The following EYS variants were observed in gnomAD, a reference collection of about 807,000 sequenced individuals.
The protein encoded by EYS is EGF-like photoreceptor maintenance factor, also known as protein eyes shut homolog.
In EYS, 250 loss-of-function variants were observed where a neutral mutation model predicts 282.1. The observed-to-expected ratio is 0.89, with a 90% CI of 0.80 to 0.98. The LOEUF is 0.98. Ranked by LOEUF, EYS falls within the 50% of genes least tolerant of loss-of-function variation. The pLI, the probability that EYS is intolerant of heterozygous loss-of-function variation, is 0.00. For synonymous variants in EYS, 1,355 were observed against 1,282.9 expected (o/e 1.06, Z -1.20); for missense variants, 4,016 against 3,709.0 (o/e 1.08, Z -2.15).
intron 31 of EYS, among the ~76,000 whole-genome samples, chr6:64,142,765 G>A (rs1774378587): frequency 6.6e-6 from 1 of 152,132 alleles, no homozygotes. Flanking sequence ...AATGATGAGA[G>A]CCTAAATTAG....
intron 29 of EYS, among the ~76,000 whole-genome samples, chr6:64,334,931 T>C (rs1770784979): frequency 6.6e-6 from 1 of 152,190 alleles, no homozygotes; most frequent in Admixed American, 6.5e-5. Flanking sequence ...TTTGTGGCCA[T>C]AATAGGTGTA....
At position 64,039,460 on chromosome 6, in the gene EYS, G is replaced by C. The variant is rs1459770485; in HGVS notation, c.6725+26878C>G. Among the ~76,000 whole-genome samples the C allele has an allele frequency of 5.3e-5, 8 of 152,266 alleles. No homozygotes were observed. The East Asian group carries it at 1.4e-3, about 26-fold the overall frequency. ...TGGGAAATTTGACTTCAATAAGCAT[G>C]TTAGAGGGATAAATAAAAGAGGAAG... On this transcript the variant is annotated intron_variant, in intron 33 of 42. Coordinates refer to ENST00000503581, the MANE Select transcript of EYS (RefSeq NM_001142800.2).
At chr6:65,055,673 T>C (rs180939181) in intron 13 of EYS, among the ~76,000 whole-genome samples, 3 of 152,228 alleles carry the variant, frequency 2.0e-5, no homozygotes, top group Non-Finnish European at 2.9e-5. Flanking sequence ...TGAGAAATTC[T>C]AGTCAAGTAT....
Position 65,405,267 on chromosome 6 carries a change from TG to T in EYS, c.962del (p.Pro321GlnfsTer18), listed in dbSNP as rs1766681441. On this transcript the variant is annotated frameshift_variant, in exon 6 of 43. Coordinates refer to ENST00000503581, the MANE Select transcript of EYS (RefSeq NM_001142800.2). LOFTEE classifies it high-confidence loss of function. The stretch of plus-strand genomic sequence containing the variant: ...CACCATTTTGGCTGGAAGATCCTTT[TG>T]GGCATTCATAAGTATAAGCAGAACT... ...NSSSAYTYECPKGSSSQNGET... is the reference protein window; with the variant it reads ...NSSSAYTYECXKGSSSQNGET... 6.2e-7 allele frequency: 1 copy of T among 1,613,212 alleles called. No homozygotes were observed. Among genetic ancestry groups the T allele is most frequent in the Non-Finnish European group, 8.5e-7 (1 of 1,179,522 alleles).
chr6:64,970,693 C>A (rs1332573484), intron 14 of EYS, among the ~76,000 whole-genome samples: 1 of 152,144 alleles, frequency 6.6e-6, no homozygotes, highest in Non-Finnish European at 1.5e-5. Context: ...AATACGTAAA[C>A]CTTGAATAAC....
chr6:64,436,885 A>G (rs2150464518), intron 27 of EYS, among the ~76,000 whole-genome samples: 1 of 151,898 alleles, frequency 6.6e-6, no homozygotes, highest in East Asian at 1.9e-4. Context: ...GCATGTGCCT[A>G]CAGGTATATG....
chr6:64,395,064 A>G (rs1030550077), intron 28 of EYS, among the ~76,000 whole-genome samples: 1 of 152,210 alleles, frequency 6.6e-6, no homozygotes, highest in Non-Finnish European at 1.5e-5. Flanking sequence ...GAGAGATGCA[A>G]ATCAAAACCA....
chr6:64,710,655 A>C (rs1162539004), intron 22 of EYS, among the ~76,000 whole-genome samples: 1 of 152,180 alleles, frequency 6.6e-6, no homozygotes, highest in Non-Finnish European at 1.5e-5. Context: ...TTTGTCCACA[A>C]CATCAAGGAC....
chr6:64,591,647 T>G lies in EYS; in HGVS notation c.4220A>C (p.Gln1407Pro). 6.4e-7 allele frequency: 1 copy of G among 1,551,162 alleles called. No individual in the cohort carries two copies. Among genetic ancestry groups the G allele is most frequent in the Non-Finnish European group, 8.7e-7 (1 of 1,146,738 alleles). ...SLMSDFIFPT[Q>P]SLLFENCQTV... The stretch of plus-strand genomic sequence containing the variant: ...CTGACAGTTCTCAAATAATAAAGAT[T>G]GTGTAGGAAAAATAAAATCTGACAT... Residue 1407 changes from glutamine to proline, a missense_variant, in exon 26 of 43, where the codon CAA becomes CCA. By Grantham distance (76) the Gln-to-Pro change is moderately conservative. Coordinates refer to ENST00000503581, the MANE Select transcript of EYS (RefSeq NM_001142800.2).
At chr6:63,746,813 CT>C (rs1002636881) in intron 41 of EYS, among the ~76,000 whole-genome samples, 1 of 151,996 alleles carries the variant, frequency 6.6e-6, no homozygotes, top group East Asian at 1.9e-4. Context: ...TGATTCTTCT[CT>C]TTTTTTTCTT....
intron 2 of EYS, among the ~76,000 whole-genome samples, chr6:65,525,361 A>C (rs1176923854): frequency 1.3e-5 from 2 of 152,144 alleles, no homozygotes; most frequent in Non-Finnish European, 2.9e-5. Flanking sequence ...GCCCATTCAG[A>C]AAGGTCTATT....
At chr6:64,609,657 G>A (rs1344161556) in intron 24 of EYS, among the ~76,000 whole-genome samples, 1 of 152,102 alleles carries the variant, frequency 6.6e-6, no homozygotes, top group African/African-American at 2.4e-5. Flanking sequence ...GCTGAAGCAG[G>A]ACGGGTGCTT....
chr6:65,518,472 G>T (rs1767225332), intron 2 of EYS, among the ~76,000 whole-genome samples: 1 of 152,090 alleles, frequency 6.6e-6, no homozygotes, highest in Admixed American at 6.6e-5. Flanking sequence ...GAACATTAAA[G>T]AAGGAAATAG....
chr6:64,277,168 A>G (rs759675528), intron 30 of EYS, among the ~76,000 whole-genome samples: 2 of 152,138 alleles, frequency 1.3e-5, no homozygotes, highest in Non-Finnish European at 2.9e-5. Flanking sequence ...ATTGAACAAA[A>G]CACAAACTCT....
At chr6:64,715,777 C>A (rs11751483) in intron 22 of EYS, among the ~76,000 whole-genome samples, 7,138 of 152,284 alleles carry the variant, frequency 0.047, 228 homozygotes, top group East Asian at 0.18. Flanking sequence ...TGAATGCCTC[C>A]ACTTTATCTG....
At chr6:65,106,566 A>G (rs1222364257) in intron 12 of EYS, among the ~76,000 whole-genome samples, 1 of 152,002 alleles carries the variant, frequency 6.6e-6, no homozygotes, top group Admixed American at 6.6e-5. Flanking sequence ...AATATTTGAA[A>G]CCGACACTCT....
intron 35 of EYS, among the ~76,000 whole-genome samples, chr6:63,970,634 C>T (rs1037073220): frequency 2.2e-5 from 3 of 133,866 alleles, no homozygotes; most frequent in African/African-American, 8.3e-5. Context: ...GACTCCATCT[C>T]AAAAAAAAAA....
intron 12 of EYS, among the ~76,000 whole-genome samples, chr6:65,186,889 G>A (rs948941215): frequency 6.6e-6 from 1 of 151,658 alleles, no homozygotes; most frequent in Admixed American, 6.6e-5. Flanking sequence ...AAATAAACAG[G>A]TTTTGTTTAA....
chr6:65,127,915 CTTTAT>C (rs1329940156), intron 12 of EYS, among the ~76,000 whole-genome samples: 1 of 152,000 alleles, frequency 6.6e-6, no homozygotes, highest in African/African-American at 2.4e-5. Flanking sequence ...TTGTACAATA[CTTTAT>C]TTTATCTTCC....
Sources: gnomAD v4.1 joint callset for allele counts (sites outside exome capture counted in the v4.1 genomes callset) on GRCh38, gnomAD v4.1.1 for gene constraint, MANE v1.5 for transcripts, NCBI Gene and HGNC (gene_info 2026-07-23, HGNC 2026-07-21) for gene names.